The following PDGFC variants were observed in gnomAD, a reference collection of about 807,000 sequenced individuals.
PDGFC encodes the protein platelet derived growth factor C, also known as platelet-derived growth factor C.
A neutral mutation model predicts 35.5 loss-of-function variants in PDGFC; 12 were observed. The ratio of observed to expected loss-of-function variants is 0.34; its 90% confidence interval spans 0.22 to 0.55. The LOEUF is 0.55. Among genes scored for constraint, PDGFC ranks in the 20% least tolerant of loss-of-function variants. The probability of loss-of-function intolerance (pLI) is 0.91; values close to 1 mark genes in which losing one functional copy is unlikely to be tolerated. For synonymous variants in PDGFC, 159 were observed against 148.8 expected, an observed-to-expected ratio of 1.07 and a Z score of -0.50; for missense variants, 322 against 412.4, an observed-to-expected ratio of 0.78 and a Z score of 1.90.
chr4:156,830,717 C>G (rs1728911772), intron 2 of PDGFC, among the ~76,000 whole-genome samples: 1 of 152,168 alleles, frequency 6.6e-6, no homozygotes, highest in Admixed American at 6.5e-5. Context: ...TAAAAACTAT[C>G]TAATGGTGGC....
rs373744638 is a variant in PDGFC, at chr4:156,935,758, A to T, written c.118+35028T>A. On this transcript the variant is annotated intron_variant, in intron 1 of 5. Transcript: ENST00000502773. ...TAATCTTGTAAGAGCCATAGCAGCAACAGTTCATTATTCATTAATTTAGTG... is the reference window on the plus strand; with the variant it reads ...TAATCTTGTAAGAGCCATAGCAGCATCAGTTCATTATTCATTAATTTAGTG... Among the ~76,000 whole-genome samples the T allele has an allele frequency of 2.6e-5, 4 of 152,206 alleles. 1 individual carries two copies. In the East Asian group the frequency reaches 7.7e-4, roughly 29 times the overall value.
At chr4:156,829,604 C>T (rs764725725) in intron 2 of PDGFC, among the ~76,000 whole-genome samples, 1 of 152,058 alleles carries the variant, frequency 6.6e-6, no homozygotes, top group Non-Finnish European at 1.5e-5. Context: ...ATCTAGGATT[C>T]CTACCATATC....
At chr4:156,826,126 A>G (rs1157475086) in intron 2 of PDGFC, among the ~76,000 whole-genome samples, 1 of 146,020 alleles carries the variant, frequency 6.8e-6, no homozygotes, top group Non-Finnish European at 1.5e-5. Flanking sequence ...TGGCCTCCCA[A>G]AGGGCTGGGA....
At chr4:156,955,817 T>C (rs1008839364) in intron 1 of PDGFC, among the ~76,000 whole-genome samples, 2 of 151,992 alleles carry the variant, frequency 1.3e-5, no homozygotes, top group African/African-American at 4.8e-5. Context: ...TCAAAATTAA[T>C]GAATAATTTT....
At chr4:156,961,391 C>T (rs1001751789) in intron 1 of PDGFC, among the ~76,000 whole-genome samples, 6 of 152,062 alleles carry the variant, frequency 3.9e-5, no homozygotes, top group South Asian at 2.1e-4. Context: ...GCAGGTGCAA[C>T]GGCCAACTGG....
At chr4:156,818,648 G>C (rs1290348122) in intron 2 of PDGFC, among the ~76,000 whole-genome samples, 2 of 151,392 alleles carry the variant, frequency 1.3e-5, no homozygotes, top group Non-Finnish European at 2.9e-5. Flanking sequence ...AGCCTCCCGA[G>C]TAGCTGGGAC....
chr4:156,874,532 A>G (rs1730062667), intron 1 of PDGFC, among the ~76,000 whole-genome samples: 1 of 152,112 alleles, frequency 6.6e-6, no homozygotes, highest in African/African-American at 2.4e-5. Flanking sequence ...AAGAATTTCT[A>G]CAAATAACAA....
chr4:156,923,351 G>C (rs1467630662), intron 1 of PDGFC, among the ~76,000 whole-genome samples: 1 of 152,156 alleles, frequency 6.6e-6, no homozygotes, highest in African/African-American at 2.4e-5. Flanking sequence ...TCCAGCCTTT[G>C]AGCCTTAAGA....
intron 4 of PDGFC, chr4:156,770,319 TTTATGC>T: frequency 6.6e-6 from 1 of 152,176 alleles, no homozygotes; most frequent in East Asian, 1.9e-4. Context: ...AAGTAAAGCA[TTTATGC>T]AGTCCACAGT....
At chr4:156,781,791 C>G (rs1730986572) in intron 3 of PDGFC, among the ~76,000 whole-genome samples, 1 of 152,062 alleles carries the variant, frequency 6.6e-6, no homozygotes, top group Non-Finnish European at 1.5e-5. Context: ...AGGGATGATT[C>G]CACCTACCTA....
intron 2 of PDGFC, among the ~76,000 whole-genome samples, chr4:156,834,732 C>A (rs574277615): frequency 5.3e-5 from 8 of 152,062 alleles, no homozygotes; most frequent in Admixed American, 1.3e-4. Flanking sequence ...GTTCTTGAAA[C>A]AGCTAAGAGG....
At chr4:156,797,433 T>A (rs889786930) in intron 3 of PDGFC, among the ~76,000 whole-genome samples, 2 of 151,896 alleles carry the variant, frequency 1.3e-5, no homozygotes, top group Admixed American at 1.3e-4. Flanking sequence ...AGGAAAGTGA[T>A]ACGCAAAAAA....
intron 3 of PDGFC, among the ~76,000 whole-genome samples, chr4:156,791,405 T>C (rs1040716291): frequency 3.3e-5 from 5 of 152,268 alleles, no homozygotes; most frequent in Middle Eastern, 3.4e-3. Context: ...GAAATGATTA[T>C]GTTGAGTCTG....
rs529382718 is a variant in PDGFC at position 156,883,763 on chromosome 4, T to C, written c.119-33347A>G. Among the ~76,000 whole-genome samples, 6 of 152,216 alleles carry C rather than the reference T, an allele frequency of 3.9e-5. No individual in the cohort carries two copies. The South Asian group carries it at 1.2e-3, about 32-fold the overall frequency. ...ACCTTAAAGAAAACCTGGATAGGAGTTTATCTAAACCATTATTTTCTAAAT... is the reference window on the plus strand; with the variant it reads ...ACCTTAAAGAAAACCTGGATAGGAGCTTATCTAAACCATTATTTTCTAAAT... On this transcript the variant is annotated intron_variant, in intron 1 of 5. Coordinates refer to ENST00000502773, the MANE Select transcript of PDGFC (RefSeq NM_016205.3).
At chr4:156,822,161 C>T (rs528915853) in intron 2 of PDGFC, among the ~76,000 whole-genome samples, 58 of 151,798 alleles carry the variant, frequency 3.8e-4, no homozygotes, top group Admixed American at 2.3e-3. Flanking sequence ...AGATCGAGAC[C>T]ATCCTGGCTA....
intron 3 of PDGFC, among the ~76,000 whole-genome samples, chr4:156,786,554 A>G (rs1262108607): frequency 1.3e-5 from 2 of 152,114 alleles, no homozygotes; most frequent in Non-Finnish European, 2.9e-5. Flanking sequence ...CAAGGAGGGG[A>G]CGCTGTGGCT....
chr4:156,878,404 C>A lies in PDGFC; in HGVS notation c.119-27988G>T, dbSNP rs569865163. 3.3e-5 allele frequency among the ~76,000 whole-genome samples: 5 copies of A among 152,112 alleles called. No individual in the cohort carries two copies. In the South Asian group the frequency reaches 8.3e-4, roughly 25 times the overall value. The stretch of plus-strand genomic sequence containing the variant: ...TAAATTTTACTAGAGATAAAATTCA[C>A]CAGAAAATTGTAAATTTTTATTAAA... On this transcript the variant is annotated intron_variant, in intron 1 of 5. Coordinates refer to ENST00000502773, the MANE Select transcript of PDGFC (RefSeq NM_016205.3).
chr4:156,894,335 T>G (rs1730581417), intron 1 of PDGFC, among the ~76,000 whole-genome samples: 1 of 152,180 alleles, frequency 6.6e-6, no homozygotes, highest in Non-Finnish European at 1.5e-5. Flanking sequence ...ACTTCCTAAC[T>G]GGGCAATTTT....
intron 1 of PDGFC, among the ~76,000 whole-genome samples, chr4:156,959,322 A>G (rs1425748150): frequency 6.6e-6 from 1 of 151,932 alleles, no homozygotes; most frequent in Non-Finnish European, 1.5e-5. Flanking sequence ...TCACCATCCT[A>G]TAAAACATAA....
Sources: allele counts gnomAD v4.1 joint callset (sites outside exome capture counted in the v4.1 genomes callset), GRCh38; gene constraint gnomAD v4.1.1; transcripts MANE v1.5; gene names NCBI Gene and HGNC (gene_info 2026-07-23, HGNC 2026-07-21).